TRMT11: variants seen among roughly 807,000 people sequenced by gnomAD.
TRMT11 encodes tRNA methyltransferase 11, also known as tRNA (guanine(10)-N(2))-methyltransferase TRMT11.
In TRMT11, 53 loss-of-function variants were observed where a neutral mutation model predicts 62.8. That is an observed-to-expected ratio of 0.84 (90% CI 0.68 to 1.06). The LOEUF is 1.06. TRMT11 is among the 50% of genes least tolerant of loss of function. TRMT11 has a pLI of 0.00. For missense variants in TRMT11, 556 were observed against 553.4 expected (o/e 1.00, Z -0.05); for synonymous variants, 188 against 190.3 (o/e 0.99, Z 0.10).
At chr6:126,119,015 C>A (rs183127231) in intron 21 of TRMT11, among the ~76,000 whole-genome samples, 1 of 152,240 alleles carries the variant, frequency 6.6e-6, no homozygotes, top group East Asian at 1.9e-4. Context: ...AGTTGACAGA[C>A]ATGGGCTTTC....
the TRMT11 span, among the ~76,000 whole-genome samples, chr6:126,266,905 C>T: frequency 1.3e-5 from 2 of 152,148 alleles, no homozygotes; most frequent in African/African-American, 4.8e-5. Flanking sequence ...AGAATTTCCT[C>T]ATTTGTCCTC....
intron 21 of TRMT11, among the ~76,000 whole-genome samples, chr6:126,124,520 C>T (rs1300873592): frequency 1.3e-5 from 2 of 152,034 alleles, no homozygotes; most frequent in Admixed American, 6.6e-5. Context: ...TATGGGGTCC[C>T]GAGTCTATTC....
rs1775766483 is a variant in TRMT11, at chr6:126,039,199, T to C, written c.*363T>C. 1 of 155,140 alleles carries C rather than the reference T, an allele frequency of 6.4e-6. No homozygotes were observed. The highest frequency in any genetic ancestry group is 2.4e-5 in the African/African-American group (1 of 41,574). The allele number at this position is 155,140 out of a possible 1,614,324, so 9.6% of individuals were successfully genotyped here. A position where few individuals can be genotyped will look rare whatever the true frequency, so the allele number is the denominator to read the frequency against. ...AATAGTAGTTAAGAATTTATTCATT[T>C]GGTAGATATGTTTATTTGGTTTTTG... On this transcript the variant is annotated 3_prime_UTR_variant, in exon 13 of 13. Coordinates refer to ENST00000334379, the MANE Select transcript of TRMT11 (RefSeq NM_001031712.3).
chr6:126,173,408 C>T (rs1046901326), upstream of TRMT11, among the ~76,000 whole-genome samples: 2 of 152,150 alleles, frequency 1.3e-5, no homozygotes, highest in Non-Finnish European at 2.9e-5. Flanking sequence ...TTCTGGCATC[C>T]TTTCCCATTC....
chr6:125,989,171 C>T (rs974532462), intron 1 of TRMT11, among the ~76,000 whole-genome samples: 1 of 146,760 alleles, frequency 6.8e-6, no homozygotes, highest in African/African-American at 2.6e-5. Context: ...GCTCTGTTGC[C>T]AGGCTGGAGT....
chr6:126,232,646 G>A, the TRMT11 span, among the ~76,000 whole-genome samples: 5 of 152,114 alleles, frequency 3.3e-5, no homozygotes, highest in Non-Finnish European at 7.4e-5. Flanking sequence ...AGAAGCAACT[G>A]CGTCTGTTTC....
chr6:126,149,547 A>C (rs1778014316), intron 21 of TRMT11, among the ~76,000 whole-genome samples: 1 of 152,198 alleles, frequency 6.6e-6, no homozygotes, highest in Non-Finnish European at 1.5e-5. Context: ...CTAACATTAA[A>C]TGAGAGAGCT....
At chr6:126,026,349 T>C (rs1389565936) in intron 12 of TRMT11, among the ~76,000 whole-genome samples, 4 of 152,086 alleles carry the variant, frequency 2.6e-5, no homozygotes, top group African/African-American at 9.7e-5. Context: ...ACCTTTAGAA[T>C]GTGCCAAGAT....
chr6:126,215,316 G>T, the TRMT11 span, among the ~76,000 whole-genome samples: 5 of 151,856 alleles, frequency 3.3e-5, no homozygotes, highest in Non-Finnish European at 7.4e-5. Context: ...TTGTATTGGG[G>T]TATATCTCTC....
At chr6:125,998,748 T>G (rs2128763138) in intron 6 of TRMT11, 64 bp downstream of exon 6, 4 of 1,510,314 alleles carry the variant, frequency 2.6e-6, no homozygotes, top group East Asian at 2.3e-5. Flanking sequence ...TTAGGCCTTT[T>G]GTTGACTCCT....
chr6:126,061,720 G>A (rs1324076413), intron 17 of TRMT11, among the ~76,000 whole-genome samples: 2 of 152,126 alleles, frequency 1.3e-5, no homozygotes, highest in East Asian at 3.9e-4. Flanking sequence ...TCTCTCCTCC[G>A]ATGGCCCCTC....
At chr6:126,193,915 A>G (rs535930314) in intron 1 of TRMT11, among the ~76,000 whole-genome samples, 2 of 152,098 alleles carry the variant, frequency 1.3e-5, no homozygotes, top group East Asian at 3.9e-4. Flanking sequence ...TTTTCCTTAT[A>G]ATTTCTTCAT....
chr6:125,997,357 A>G (rs1195455019), intron 3 of TRMT11, among the ~76,000 whole-genome samples: 3 of 152,272 alleles, frequency 2.0e-5, no homozygotes, highest in Non-Finnish European at 4.4e-5. Flanking sequence ...TTTCTGTGTT[A>G]GAAGGGATTG....
At position 126,164,978 on chromosome 6, in the gene TRMT11, ATGTAAAT is replaced by A. The variant is rs563388073; in HGVS notation, c.*1824-9845_*1824-9839del. On this transcript the variant is annotated intron_variant and NMD_transcript_variant, in intron 21 of 22. Coordinates refer to the TRMT11 transcript ENST00000648977. ...TAACTGGGGCACTTAGTCCATTTAC[ATGTAAAT>A]TTAATATCGTTGGCTGGGTGCAGTG... Among the ~76,000 whole-genome samples the A allele has an allele frequency of 1.0e-3, 156 of 152,200 alleles. 1 individual carries two copies. The highest frequency in any genetic ancestry group is 3.4e-3 in the African/African-American group (143 of 41,526).
At chr6:126,189,109 G>C (rs1199557205) in intron 1 of TRMT11, among the ~76,000 whole-genome samples, 1 of 152,076 alleles carries the variant, frequency 6.6e-6, no homozygotes, top group Non-Finnish European at 1.5e-5. Flanking sequence ...AAGGGATTTG[G>C]CGAAGGGGTT....
intron 21 of TRMT11, among the ~76,000 whole-genome samples, chr6:126,136,212 T>G (rs994017378): frequency 6.6e-6 from 1 of 151,658 alleles, no homozygotes; most frequent in African/African-American, 2.4e-5. Context: ...TATTTTTTTT[T>G]GCAGAAGACT....
intron 21 of TRMT11, among the ~76,000 whole-genome samples, chr6:126,165,723 T>C (rs1778250978): frequency 6.6e-6 from 1 of 152,226 alleles, no homozygotes; most frequent in African/African-American, 2.4e-5. Context: ...CATTTGCTCC[T>C]TCATTTCAAC....
intron 7 of TRMT11, 53 bp from the exon 8 acceptor site, chr6:126,008,339 A>T (rs1793667444): frequency 1.4e-6 from 2 of 1,450,860 alleles, no homozygotes; most frequent in Admixed American, 3.3e-5. Context: ...AATAGGAACA[A>T]ACAGGAGTTT....
At chr6:126,177,912 C>G (rs1244223238) in intron 1 of TRMT11, among the ~76,000 whole-genome samples, 1 of 152,128 alleles carries the variant, frequency 6.6e-6, no homozygotes, top group Non-Finnish European at 1.5e-5. Context: ...CATCCCCTTT[C>G]CCTTAAGCCC....
Sources: allele counts gnomAD v4.1 joint callset (sites outside exome capture counted in the v4.1 genomes callset), GRCh38; gene constraint gnomAD v4.1.1; transcripts MANE v1.5; gene names NCBI Gene and HGNC (gene_info 2026-07-23, HGNC 2026-07-21).